The following ADGRL3 variants were observed in gnomAD, a reference collection of about 807,000 sequenced individuals.
ADGRL3 encodes adhesion G protein-coupled receptor L3, also known as calcium-independent alpha-latrotoxin receptor 3.
ADGRL3 carries 62 observed loss-of-function variants against 153.5 expected under a neutral mutation model. The ratio of observed to expected loss-of-function variants is 0.40; its 90% CI spans 0.33 to 0.50. ADGRL3 has a LOEUF of 0.50. Among genes scored for constraint, ADGRL3 ranks in the 20% least tolerant of loss-of-function variants. The probability of loss-of-function intolerance (pLI) is 0.47; values close to 1 mark genes in which losing one functional copy is unlikely to be tolerated. For missense variants in ADGRL3, 1,641 were observed against 1,859.4 expected (o/e 0.88, Z 2.16); for synonymous variants, 710 against 672.5 (o/e 1.06, Z -0.86).
intron 9 of ADGRL3, among the ~76,000 whole-genome samples, chr4:61,822,731 T>C (rs909708952): frequency 2.0e-5 from 3 of 152,154 alleles, no homozygotes; most frequent in African/African-American, 7.2e-5. Flanking sequence ...TCTGGTAGTT[T>C]TTCATATTGG....
chr4:61,595,916 T>G (rs2098987212), intron 5 of ADGRL3, among the ~76,000 whole-genome samples: 1 of 152,156 alleles, frequency 6.6e-6, no homozygotes, highest in Non-Finnish European at 1.5e-5. Context: ...CAGCATGGTT[T>G]AATTCTCTGC....
At chr4:61,746,590 C>G (rs867691792) in intron 8 of ADGRL3, among the ~76,000 whole-genome samples, 132 of 152,170 alleles carry the variant, frequency 8.7e-4, no homozygotes, top group Non-Finnish European at 1.0e-3. Flanking sequence ...AACTGAACAA[C>G]CTGCTCCTGA....
intron 2 of ADGRL3, among the ~76,000 whole-genome samples, chr4:61,386,143 A>T (rs1267325090): frequency 6.6e-6 from 1 of 152,202 alleles, no homozygotes; most frequent in Admixed American, 6.6e-5. Flanking sequence ...CCTCACATCT[A>T]GAAAATCGCT....
At chr4:61,272,933 T>C (rs1396815545) in intron 1 of ADGRL3, among the ~76,000 whole-genome samples, 1 of 152,114 alleles carries the variant, frequency 6.6e-6, no homozygotes, top group Non-Finnish European at 1.5e-5. Flanking sequence ...GTAATGTGGA[T>C]CCTAGACTCA....
intron 11 of ADGRL3, 122 bp from the exon 12 acceptor site, chr4:61,909,438 A>C: frequency 1.5e-6 from 1 of 647,034 alleles, no homozygotes; most frequent in Non-Finnish European, 2.5e-6. Flanking sequence ...GATGAAGATG[A>C]AGTTTAACAA....
intron 6 of ADGRL3, among the ~76,000 whole-genome samples, chr4:61,729,390 G>A (rs2151776735): frequency 6.6e-6 from 1 of 151,988 alleles, no homozygotes; most frequent in South Asian, 2.1e-4. Context: ...CTTCAAAAAA[G>A]TCGTTGGAGA....
At chr4:61,227,307 G>A (rs1748435904) in intron 1 of ADGRL3, among the ~76,000 whole-genome samples, 1 of 152,070 alleles carries the variant, frequency 6.6e-6, no homozygotes, top group African/African-American at 2.4e-5. Flanking sequence ...CTGGGCTGAA[G>A]CAATTCTCCC....
intron 15 of ADGRL3, among the ~76,000 whole-genome samples, chr4:61,940,057 T>C (rs1451551252): frequency 1.0e-4 from 13 of 128,436 alleles, no homozygotes; most frequent in Non-Finnish European, 2.0e-4. Flanking sequence ...ATTAGGTATA[T>C]CTCCCAATGC....
At chr4:61,282,470 A>G (rs981019799) in intron 1 of ADGRL3, among the ~76,000 whole-genome samples, 18 of 151,978 alleles carry the variant, frequency 1.2e-4, no homozygotes, top group African/African-American at 3.9e-4. Flanking sequence ...CATTTTGTGT[A>G]TGGGTTTTTT....
chr4:61,844,776 C>G (rs2098094005), intron 9 of ADGRL3, among the ~76,000 whole-genome samples: 1 of 151,492 alleles, frequency 6.6e-6, no homozygotes, highest in South Asian at 2.1e-4. Flanking sequence ...TTGTCTTTTT[C>G]CAACAGACTC....
At chr4:61,653,661 T>C (rs13103314) in intron 5 of ADGRL3, among the ~76,000 whole-genome samples, 1 of 152,220 alleles carries the variant, frequency 6.6e-6, no homozygotes, top group African/African-American at 2.4e-5. Context: ...ACACATACTG[T>C]CCCTCAGCAC....
At chr4:61,869,802 G>C (rs1385535298) in intron 9 of ADGRL3, among the ~76,000 whole-genome samples, 1 of 151,252 alleles carries the variant, frequency 6.6e-6, no homozygotes, top group East Asian at 2.0e-4. Context: ...GCCAGGCGTG[G>C]TGGCACATAC....
At chr4:61,962,818 A>T (rs1418040853) in intron 17 of ADGRL3, among the ~76,000 whole-genome samples, 1 of 152,158 alleles carries the variant, frequency 6.6e-6, no homozygotes, top group Non-Finnish European at 1.5e-5. Flanking sequence ...ATTAATTTTA[A>T]TTTTTTAAAT....
intron 9 of ADGRL3, among the ~76,000 whole-genome samples, chr4:61,816,889 C>G (rs2097694510): frequency 6.6e-6 from 1 of 152,228 alleles, no homozygotes; most frequent in African/African-American, 2.4e-5. Context: ...GAAGCCACCA[C>G]TGCCACTGCA....
At chr4:61,536,640 C>G (rs1251143162) in intron 4 of ADGRL3, among the ~76,000 whole-genome samples, 1 of 151,782 alleles carries the variant, frequency 6.6e-6, no homozygotes, top group Non-Finnish European at 1.5e-5. Flanking sequence ...TATATAATGC[C>G]TTTCTTTGTC....
chr4:61,654,902 G>GA (rs2094398411), intron 5 of ADGRL3, among the ~76,000 whole-genome samples: 1 of 151,680 alleles, frequency 6.6e-6, no homozygotes, highest in Non-Finnish European at 1.5e-5. Flanking sequence ...ATCTCAAAAA[G>GA]AAAAAAGAAA....
At chr4:61,407,363 A>G (rs2152217200) in intron 2 of ADGRL3, among the ~76,000 whole-genome samples, 1 of 152,266 alleles carries the variant, frequency 6.6e-6, no homozygotes, top group South Asian at 2.1e-4. Context: ...AAAATATATA[A>G]TGAAAAAATA....
intron 17 of ADGRL3, among the ~76,000 whole-genome samples, chr4:61,975,807 A>T (rs919883256): frequency 6.6e-6 from 1 of 152,176 alleles, no homozygotes. Flanking sequence ...AGAGGAGTCA[A>T]TATAACTCCT....
chr4:61,212,974 G>A (rs984885609), intron 1 of ADGRL3, among the ~76,000 whole-genome samples: 1 of 152,140 alleles, frequency 6.6e-6, no homozygotes, highest in African/African-American at 2.4e-5. Context: ...GTTCAGAAAT[G>A]AAATTTGCTT....
Sources: gnomAD v4.1 joint callset for allele counts (sites outside exome capture counted in the v4.1 genomes callset) on GRCh38, gnomAD v4.1.1 for gene constraint, MANE v1.5 for transcripts, NCBI Gene and HGNC (gene_info 2026-07-23, HGNC 2026-07-21) for gene names.